MORN3: variants seen among roughly 807,000 people sequenced by gnomAD.
The protein encoded by MORN3 is MORN repeat containing 3.
MORN3 carries 38 observed loss-of-function variants against 34.7 expected under a neutral mutation model. The ratio of observed to expected loss-of-function variants is 1.10; its 90% confidence interval spans 0.85 to 1.44. MORN3 has a LOEUF of 1.44. MORN3 is among the 40% of genes most tolerant of loss of function. MORN3 has a pLI of 0.00. For synonymous variants in MORN3, 109 were observed against 115.3 expected, an observed-to-expected ratio of 0.95 and a Z score of 0.35; for missense variants, 311 against 321.7, an observed-to-expected ratio of 0.97 and a Z score of 0.25.
chr12:121,663,890 C>T (rs1306565955), intron 1 of MORN3, among the ~76,000 whole-genome samples: 4 of 151,958 alleles, frequency 2.6e-5, no homozygotes, highest in Non-Finnish European at 5.9e-5. Flanking sequence ...TTTGTCCTGC[C>T]CCTCACTTCC....
intron 1 of MORN3, among the ~76,000 whole-genome samples, chr12:121,661,516 CAAGT>C (rs373335628): frequency 3.9e-5 from 6 of 152,096 alleles, no homozygotes; most frequent in African/African-American, 1.4e-4. Context: ...TGACCTTGAC[CAAGT>C]AAGTTAATTC....
In MORN3 at chr12:121,669,477, C is replaced by G. The variant is rs751454674; in HGVS notation, c.7G>C (p.Val3Leu). The G allele has an allele frequency of 1.1e-5, 18 of 1,613,466 alleles. No homozygotes were observed. Among genetic ancestry groups the G allele is most frequent in the Non-Finnish European group, 1.5e-5 (18 of 1,179,666 alleles). ...TCCGACTTTTTTGGGCACTTAGAGA[C>G]TGGCATGGTGGCTGCTTCTGCAAGG... MPVSKCPKKSESL... is the reference protein window; with the variant it reads MPLSKCPKKSESL... Residue 3 changes from valine to leucine, a missense_variant, in exon 1 of 6, where the codon GTC (valine) becomes CTC (leucine). Transcript: ENST00000355329.
intron 2 of MORN3, 97 bp from the exon 3 acceptor site, chr12:121,654,530 T>A: frequency 7.8e-7 from 1 of 1,277,396 alleles, no homozygotes; most frequent in Non-Finnish European, 1.1e-6. Flanking sequence ...ACACCCCAGC[T>A]TCTTCCTTCT....
At chr12:121,666,930 C>A (rs1406621231) in intron 1 of MORN3, among the ~76,000 whole-genome samples, 2 of 150,148 alleles carry the variant, frequency 1.3e-5, no homozygotes, top group African/African-American at 4.9e-5. Context: ...TCTGACTACC[C>A]TTCTTCTTTA....
At chr12:121,653,324 G>C in intron 3 of MORN3, 65 bp from the exon 4 acceptor site, 1 of 1,522,356 alleles carries the variant, frequency 6.6e-7, no homozygotes, top group Non-Finnish European at 8.9e-7. Context: ...CCCAGGGGTC[G>C]CTCTTCCAGA....
At chr12:121,664,036 A>C (rs1893667800) in intron 1 of MORN3, among the ~76,000 whole-genome samples, 1 of 152,166 alleles carries the variant, frequency 6.6e-6, no homozygotes, top group Non-Finnish European at 1.5e-5. Flanking sequence ...GGGTCAGTGC[A>C]GGCCACCTGA....
In MORN3 at chr12:121,652,780, A is replaced by G; in HGVS notation, c.677T>C (p.Leu226Pro). The change falls in exon 5 of 6, where the codon CTG becomes CCG. Residue 226 changes from leucine (L) to proline (P), a missense_variant. Coordinates refer to ENST00000355329, the MANE Select transcript of MORN3 (RefSeq NM_173855.5). The part of the protein sequence containing the change: ...EVKILDPDGV[L>P]AEALAMFRKT... ...CCTGAACATGGCCAAGGCCTCCGCCAGCACACCATCAGGGTCTAGGATTTT... is the reference window on the plus strand; with the variant it reads ...CCTGAACATGGCCAAGGCCTCCGCCGGCACACCATCAGGGTCTAGGATTTT... 1 of 1,614,192 alleles carries G rather than the reference A, an allele frequency of 6.2e-7. No homozygotes were observed. Among genetic ancestry groups the G allele is most frequent in the Non-Finnish European group, 8.5e-7 (1 of 1,180,020 alleles).
intron 5 of MORN3, among the ~76,000 whole-genome samples, chr12:121,651,877 T>C (rs561666278): frequency 2.6e-5 from 4 of 152,192 alleles, no homozygotes; most frequent in African/African-American, 9.6e-5. Context: ...AGGGTGCAAA[T>C]AGAAGGTTTC....
At chr12:121,668,040 G>A (rs779634079) in intron 1 of MORN3, among the ~76,000 whole-genome samples, 1 of 150,180 alleles carries the variant, frequency 6.7e-6, no homozygotes, top group Non-Finnish European at 1.5e-5. Flanking sequence ...GCCCATTTTT[G>A]TATTTTTTTA....
intron 1 of MORN3, among the ~76,000 whole-genome samples, chr12:121,659,791 A>G (rs1893526212): frequency 6.6e-6 from 1 of 151,802 alleles, no homozygotes; most frequent in Non-Finnish European, 1.5e-5. Flanking sequence ...CGGTCTCCCA[A>G]AGTGCTGGGA....
rs373511449 is a variant in MORN3, at chr12:121,653,115, C to T, written c.608G>A (p.Arg203His). 46 of 1,613,902 alleles carry T rather than the reference C, an allele frequency of 2.9e-5. No individual in the cohort carries two copies. The highest frequency in any genetic ancestry group is 1.3e-4 in the East Asian group (6 of 44,874). ...AKCGTMIDFG[R>H]DEAPEPTQFP... ...CTGAGTGGGCTCAGGGGCCTCGTCA[C>T]GGCCAAAGTCGATCATCGTCCCGCA... Residue 203 changes from arginine to histidine, a missense_variant, in exon 4 of 6, where the codon CGT becomes CAT. By Grantham distance (29) the Arg-to-His change is conservative. Coordinates refer to ENST00000355329, the MANE Select transcript of MORN3 (RefSeq NM_173855.5).
At chr12:121,659,623 C>T (rs1310010324) in intron 1 of MORN3, among the ~76,000 whole-genome samples, 1 of 151,688 alleles carries the variant, frequency 6.6e-6, no homozygotes, top group African/African-American at 2.4e-5. Context: ...CAACCTCTGC[C>T]TCCCGGGTTC....
rs782563631 is a variant in MORN3, at chr12:121,652,737, A to G, written c.720T>C (p.Asp240=). ...TGTGCCCACCCCTCACCTGGCATCA[A>G]TCTCCTTCCTCTGTCTTCCTGAACA... ...LAMFRKTEEG[D] The change falls in exon 5 of 6, where the codon GAT becomes GAC. Residue 240 remains aspartate (D), a synonymous_variant. Coordinates refer to ENST00000355329, the MANE Select transcript of MORN3 (RefSeq NM_173855.5). The G allele has an allele frequency of 9.9e-6, 16 of 1,614,010 alleles. No homozygotes were observed. Among genetic ancestry groups the G allele is most frequent in the Non-Finnish European group, 1.1e-5 (13 of 1,180,012 alleles).
In MORN3 at chr12:121,669,479, G is replaced by T. The variant is rs1566488175; in HGVS notation, c.5C>A (p.Pro2Gln). The stretch of plus-strand genomic sequence containing the variant: ...CGACTTTTTTGGGCACTTAGAGACT[G>T]GCATGGTGGCTGCTTCTGCAAGGCT... M[P>Q]VSKCPKKSES... is the part of the protein sequence containing the mutation. The change falls in exon 1 of 6, where the codon CCA becomes CAA. Residue 2 changes from proline (P) to glutamine (Q), a missense_variant. Physicochemically the swap from Pro to Gln is moderately conservative, Grantham distance 76 (BLOSUM62 -1). Transcript: ENST00000355329. 1 of 1,613,530 alleles carries T rather than the reference G, an allele frequency of 6.2e-7. No homozygotes were observed. The highest frequency in any genetic ancestry group is 8.5e-7 in the Non-Finnish European group (1 of 1,179,630).
At chr12:121,656,380 G>A in intron 2 of MORN3, among the ~76,000 whole-genome samples, 1 of 152,154 alleles carries the variant, frequency 6.6e-6, no homozygotes, top group East Asian at 1.9e-4. Context: ...CTGGAGTGTA[G>A]TGGCACCACC....
At position 121,652,822 on chromosome 12, in the gene MORN3, C is replaced by T. The variant is rs1477036396; in HGVS notation, c.649-14G>A. On this transcript the variant is annotated splice_polypyrimidine_tract_variant and intron_variant, in intron 4 of 5. Transcript: ENST00000355329. Reference sequence around the variant, plus strand: ...TAGGATTTTGACCTGGAGGGAAATACCAAGAAGTTGGTTTGGAGAGCATGG... The same window carrying T: ...TAGGATTTTGACCTGGAGGGAAATATCAAGAAGTTGGTTTGGAGAGCATGG... The T allele has an allele frequency of 1.2e-6, 2 of 1,614,020 alleles. No homozygotes were observed. Among genetic ancestry groups the T allele is most frequent in the Non-Finnish European group, 1.7e-6 (2 of 1,179,980 alleles).
intron 5 of MORN3, 76 bp downstream of exon 5, chr12:121,652,652 G>A: frequency 1.4e-6 from 2 of 1,410,264 alleles, no homozygotes; most frequent in Middle Eastern, 1.8e-4. Context: ...GGAGACCCCA[G>A]GAGATCTGTG....
chr12:121,664,839 C>T (rs1893691073), intron 1 of MORN3, among the ~76,000 whole-genome samples: 1 of 117,528 alleles, frequency 8.5e-6, no homozygotes, highest in Non-Finnish European at 1.7e-5. Flanking sequence ...CGAAAACAAC[C>T]TGTTTTTTTT....
At chr12:121,661,852 G>T (rs1466386165) in intron 1 of MORN3, among the ~76,000 whole-genome samples, 1 of 151,694 alleles carries the variant, frequency 6.6e-6, no homozygotes, top group Non-Finnish European at 1.5e-5. Context: ...CTCCAGCTTG[G>T]GCGACAGAGT....
Sources: gnomAD v4.1 joint callset for allele counts (sites outside exome capture counted in the v4.1 genomes callset) on GRCh38, gnomAD v4.1.1 for gene constraint, MANE v1.5 for transcripts, NCBI Gene and HGNC (gene_info 2026-07-23, HGNC 2026-07-21) for gene names.